Variants in RIPK4 observed in about 807,000 individuals in gnomAD.
RIPK4 encodes the protein receptor-interacting serine/threonine-protein kinase 4.
A neutral mutation model predicts 42.9 loss-of-function variants in RIPK4; 17 were observed. The observed-to-expected ratio is 0.40, with a 90% CI of 0.27 to 0.59. The LOEUF (loss-of-function observed/expected upper bound fraction) is 0.59. Among genes scored for constraint, RIPK4 ranks in the 20% least tolerant of loss-of-function variants. RIPK4 has a pLI of 0.47. For synonymous variants in RIPK4, 498 were observed against 499.1 expected (o/e 1.00, Z 0.03); for missense variants, 897 against 1,104.4 (o/e 0.81, Z 2.66).
At chr21:41,745,696 G>T in intron 6 of RIPK4, 63 bp downstream of exon 6, 1 of 1,262,708 alleles carries the variant, frequency 7.9e-7, no homozygotes, top group Non-Finnish European at 1.2e-6. Context: ...AAAGAGGAGT[G>T]GTTTGGAAAC....
At chr21:41,753,455 C>T (rs367698379) in intron 2 of RIPK4, among the ~76,000 whole-genome samples, 19 of 152,154 alleles carry the variant, frequency 1.2e-4, no homozygotes, top group Non-Finnish European at 2.1e-4. Flanking sequence ...AATGCAAGCT[C>T]GGAATTGAGA....
Position 41,741,219 on chromosome 21 carries a change from A to G in RIPK4, c.1974T>C (p.His658=). The change falls in exon 8 of 8, where the codon CAT becomes CAC. Residue 658 remains histidine, a synonymous_variant. Transcript: ENST00000332512. ...TCATGGCCTCCTTGCCAGCGCCCCG[A>G]TGCAGGAGCAGCCTGGCAGTGCTCG... ...GHTSTARLLL[H]RGAGKEAMTS... is the part of the protein sequence containing the mutation. 1.2e-6 allele frequency: 2 copies of G among 1,609,226 alleles called. No homozygotes were observed. The highest frequency in any genetic ancestry group is 1.7e-6 in the Non-Finnish European group (2 of 1,178,340).
chr21:41,744,282 A>G, intron 6 of RIPK4, 142 bp from the exon 7 acceptor site: 1 of 780,916 alleles, frequency 1.3e-6, no homozygotes, highest in South Asian at 1.8e-5. Context: ...CAATGCAGAT[A>G]ACCTATTGGT....
At chr21:41,743,483 G>C (rs1425614947) in intron 7 of RIPK4, among the ~76,000 whole-genome samples, 5 of 152,234 alleles carry the variant, frequency 3.3e-5, no homozygotes, top group African/African-American at 1.2e-4. Flanking sequence ...CGAAGGCGTG[G>C]GTGTGTACCC....
intron 3 of RIPK4, 78 bp from the exon 4 acceptor site, chr21:41,749,281 G>A (rs1026334049): frequency 2.1e-5 from 29 of 1,397,908 alleles, no homozygotes; most frequent in Admixed American, 5.1e-5. Flanking sequence ...AGCAACAGGC[G>A]TGAAGACACC....
Position 41,742,689 on chromosome 21 carries a change from C to T in RIPK4, c.1196-692G>A, listed in dbSNP as rs1050316167. 3.3e-5 allele frequency among the ~76,000 whole-genome samples: 5 copies of T among 152,124 alleles called. No individual in the cohort carries two copies. The highest frequency in any genetic ancestry group is 7.2e-5 in the African/African-American group (3 of 41,402). On this transcript the variant is annotated intron_variant, in intron 7 of 7. Transcript: ENST00000332512. The surrounding 1 kb of genome is among the most constrained non-coding windows in gnomAD (Gnocchi z 5.1). ...GTGAAACGCGTGGGGACTTGGAAGT[C>T]GGCGGTGGGAAGGTGTTAAGAAAAC...
At chr21:41,765,902 A>G (rs1399760663) in intron 1 of RIPK4, among the ~76,000 whole-genome samples, 1 of 152,260 alleles carries the variant, frequency 6.6e-6, no homozygotes, top group Non-Finnish European at 1.5e-5. Context: ...GTACTGTTCA[A>G]GAACATTCTC....
At chr21:41,748,576 C>T (rs1398866691) in intron 4 of RIPK4, among the ~76,000 whole-genome samples, 1 of 152,264 alleles carries the variant, frequency 6.6e-6, no homozygotes, top group Non-Finnish European at 1.5e-5. Context: ...TGGAGGTTGG[C>T]TGCGCAAGCA....
intron 4 of RIPK4, 183 bp from the exon 5 acceptor site, chr21:41,746,954 G>T: frequency 1.6e-6 from 1 of 630,316 alleles, no homozygotes; most frequent in Non-Finnish European, 2.7e-6. Flanking sequence ...CTCATGGTGC[G>T]CCATGCTCTC....
In RIPK4 at chr21:41,764,230, C is replaced by A. The variant is rs146171948; in HGVS notation, c.182+2630G>T. ...GGCGCAGCCTGCTCATCAAACAAGCCCCGAGCAGGTGCTGTGGCCAAGGGC... is the reference window on the plus strand; with the variant it reads ...GGCGCAGCCTGCTCATCAAACAAGCACCGAGCAGGTGCTGTGGCCAAGGGC... On this transcript the variant is annotated intron_variant, in intron 1 of 7. Transcript: ENST00000332512. 4.9e-3 allele frequency among the ~76,000 whole-genome samples: 753 copies of A among 152,338 alleles called. 5 individuals are homozygous for A. The highest frequency in any genetic ancestry group is 0.016 in the African/African-American group (679 of 41,580).
At chr21:41,752,049 A>G (rs1420695125) in intron 2 of RIPK4, among the ~76,000 whole-genome samples, 1 of 148,930 alleles carries the variant, frequency 6.7e-6, no homozygotes, top group Non-Finnish European at 1.5e-5. Context: ...CCCCGGTCTG[A>G]CCTCTCTCGG....
rs1232274782 is a variant in RIPK4, at chr21:41,743,894, G to T, written c.1183C>A (p.Pro395Thr). Residue 395 changes from proline (P) to threonine (T), a missense_variant, in exon 7 of 8, where the codon CCT (proline) becomes ACT (threonine). Physicochemically the swap from Pro to Thr is conservative, Grantham distance 38 (BLOSUM62 -1). Transcript: ENST00000332512. ...GSLSLSFERE[P>T]STSDLGTTDV... ...CGTCCCCACTCACCGCTGGTTGAAG[G>T]TTCCCGCTCAAAGGACAGCGACAGT... 1 of 1,603,168 alleles carries T rather than the reference G, an allele frequency of 6.2e-7. No homozygotes were observed. Among genetic ancestry groups the T allele is most frequent in the Admixed American group, 1.7e-5 (1 of 58,784 alleles).
At chr21:41,763,393 C>T (rs1054569546) in intron 1 of RIPK4, among the ~76,000 whole-genome samples, 1 of 152,122 alleles carries the variant, frequency 6.6e-6, no homozygotes, top group Non-Finnish European at 1.5e-5. Context: ...TTCCAAAGAC[C>T]TGTGGACCAG....
intron 1 of RIPK4, among the ~76,000 whole-genome samples, chr21:41,757,089 T>G (rs977258180): frequency 2.0e-5 from 3 of 152,152 alleles, no homozygotes; most frequent in Non-Finnish European, 2.9e-5. Flanking sequence ...ATAACACATG[T>G]GGGGGGTCCA....
Position 41,742,003 on chromosome 21 carries a change from G to A in RIPK4, c.1196-6C>T. The A allele has an allele frequency of 1.3e-6, 2 of 1,573,112 alleles. No individual in the cohort carries two copies. Among genetic ancestry groups the A allele is most frequent in the Middle Eastern group, 1.7e-4 (1 of 5,858 alleles). On this transcript the variant is annotated splice_polypyrimidine_tract_variant and splice_region_variant and intron_variant, in intron 7 of 7. Transcript: ENST00000332512. The surrounding 1 kb of genome is among the most constrained non-coding windows in gnomAD (Gnocchi z 5.1). The stretch of plus-strand genomic sequence containing the variant: ...GACGTCTGTGGTGCCCAGATCTGCA[G>A]GGAGAGGAGAGGCAAAGGTCAGAGC...
intron 1 of RIPK4, among the ~76,000 whole-genome samples, chr21:41,757,998 CAAAAAAAAAAAAA>C (rs530283443): frequency 7.6e-5 from 1 of 13,078 alleles, no homozygotes; most frequent in Admixed American, 1.5e-3. Context: ...GACTCCATAA[CAAAAAAAAAAAAA>C]AAAAAAAAAA....
chr21:41,751,361 C>T lies in RIPK4; in HGVS notation c.475-116G>A. Reference sequence around the variant, plus strand: ...GGGTGGGTGAGAGCTTTCCAGGAGCCCCTAAGAGCCGTGTCTGTGCCTCTC... The same window carrying T: ...GGGTGGGTGAGAGCTTTCCAGGAGCTCCTAAGAGCCGTGTCTGTGCCTCTC... On this transcript the variant is annotated intron_variant, in intron 2 of 7. Transcript: ENST00000332512. This position sits in a 1 kb window ranked among gnomAD's most constrained non-coding sequence, Gnocchi z 4.5. 1 of 1,368,460 alleles carries T rather than the reference C, an allele frequency of 7.3e-7. No individual in the cohort carries two copies. The highest frequency in any genetic ancestry group is 2.5e-5 in the East Asian group (1 of 40,520). The allele number at this position is 1,368,460 out of a possible 1,614,324, so 84.8% of individuals were successfully genotyped here.
intron 4 of RIPK4, among the ~76,000 whole-genome samples, chr21:41,748,909 CAT>C (rs1280336456): frequency 6.6e-6 from 1 of 152,218 alleles, no homozygotes; most frequent in Admixed American, 6.5e-5. Context: ...AAATGGCTAA[CAT>C]GACCAATTTT....
Position 41,756,686 on chromosome 21 carries a change from C to G in RIPK4, c.313G>C (p.Glu105Gln). The G allele has an allele frequency of 1.9e-6, 3 of 1,614,194 alleles. No individual in the cohort carries two copies. The highest frequency in any genetic ancestry group is 2.5e-6 in the Non-Finnish European group (3 of 1,180,036). The change falls in exon 2 of 8, where the codon GAA becomes CAA. Residue 105 changes from glutamate to glutamine, a missense_variant. Physicochemically the swap from Glu to Gln is conservative, Grantham distance 29 (BLOSUM62 2). Coordinates refer to ENST00000332512, the MANE Select transcript of RIPK4 (RefSeq NM_020639.3). Reference sequence around the variant, plus strand: ...AATGGCTCCGAAGCCAGCAGCTTTTCCAGGGAGCCCGTCTCCATGTACTCC... The same window carrying G: ...AATGGCTCCGAAGCCAGCAGCTTTTGCAGGGAGCCCGTCTCCATGTACTCC... Reference protein sequence around the residue: ...VMEYMETGSLEKLLASEPLPW... With the variant: ...VMEYMETGSLQKLLASEPLPW...
Sources: allele counts gnomAD v4.1 joint callset (sites outside exome capture counted in the v4.1 genomes callset), GRCh38; gene constraint gnomAD v4.1.1; non-coding constraint Gnocchi (gnomAD v3.1); transcripts MANE v1.5; gene names NCBI Gene and HGNC (gene_info 2026-07-23, HGNC 2026-07-21).